IQCM: variants seen among roughly 807,000 people sequenced by gnomAD.
The protein encoded by IQCM is IQ motif containing M.
IQCM carries 45 observed loss-of-function variants against 57.6 expected under a neutral mutation model. The ratio of observed to expected loss-of-function variants is 0.78; its 90% CI spans 0.62 to 1.00. The LOEUF (loss-of-function observed/expected upper bound fraction) is 1.00. IQCM is among the 50% of genes least tolerant of loss of function. The probability of loss-of-function intolerance (pLI) is 0.00; values close to 1 mark genes in which losing one functional copy is unlikely to be tolerated. For synonymous variants in IQCM, 148 were observed against 158.9 expected (o/e 0.93, Z 0.51); for missense variants, 468 against 511.6 (o/e 0.91, Z 0.82).
intron 12 of IQCM, among the ~76,000 whole-genome samples, chr4:149,470,017 A>T (rs1036558385): frequency 3.9e-5 from 6 of 152,210 alleles, no homozygotes; most frequent in Admixed American, 2.6e-4. Context: ...CACTGCAAAA[A>T]CATGCCACAT....
intron 12 of IQCM, among the ~76,000 whole-genome samples, chr4:149,517,773 A>G (rs1256587912): frequency 6.6e-6 from 1 of 152,158 alleles, no homozygotes; most frequent in East Asian, 1.9e-4. Flanking sequence ...AAAAGGCTAG[A>G]CTGGCTTAGC....
At chr4:149,538,419 G>C (rs1747517489) in intron 12 of IQCM, among the ~76,000 whole-genome samples, 1 of 151,252 alleles carries the variant, frequency 6.6e-6, no homozygotes, top group South Asian at 2.1e-4. Flanking sequence ...GATTATAATG[G>C]TACACTAAAA....
chr4:149,481,790 A>C (rs1166935821), intron 12 of IQCM, among the ~76,000 whole-genome samples: 8 of 139,448 alleles, frequency 5.7e-5, no homozygotes, highest in Non-Finnish European at 1.2e-4. Context: ...TTAGGATCCA[A>C]AAAAAATTTA....
chr4:149,545,768 A>G (rs910404307), intron 12 of IQCM, among the ~76,000 whole-genome samples: 1 of 152,172 alleles, frequency 6.6e-6, no homozygotes, highest in South Asian at 2.1e-4. Flanking sequence ...AGCCAAGATA[A>G]GAAAGCAACC....
intron 7 of IQCM, among the ~76,000 whole-genome samples, chr4:149,678,813 G>A (rs1166489624): frequency 6.6e-6 from 1 of 151,392 alleles, no homozygotes; most frequent in Non-Finnish European, 1.5e-5. Context: ...GGAGACATGT[G>A]AATCAAAACT....
chr4:149,353,241 C>T (rs528530234), intron 13 of IQCM, among the ~76,000 whole-genome samples: 2 of 152,256 alleles, frequency 1.3e-5, no homozygotes, highest in Admixed American at 6.5e-5. Flanking sequence ...GAGATATCAC[C>T]TCGGACCCCT....
chr4:149,373,795 G>A (rs1451286064), intron 13 of IQCM, among the ~76,000 whole-genome samples: 1 of 151,836 alleles, frequency 6.6e-6, no homozygotes, highest in African/African-American at 2.4e-5. Flanking sequence ...TTTAGATCTA[G>A]AACACTGAGA....
intron 13 of IQCM, among the ~76,000 whole-genome samples, chr4:149,380,089 G>C (rs933141853): frequency 6.6e-6 from 1 of 152,110 alleles, no homozygotes; most frequent in Non-Finnish European, 1.5e-5. Context: ...GGCCTCTCCA[G>C]CCACATGGAA....
chr4:149,360,773 T>C (rs976789028), intron 13 of IQCM, among the ~76,000 whole-genome samples: 22 of 152,172 alleles, frequency 1.4e-4, no homozygotes, highest in Admixed American at 1.4e-3. Flanking sequence ...TTCCTAGTCT[T>C]GGATATGTCT....
rs6838847 is a variant in IQCM at position 149,388,367 on chromosome 4, G to T, written c.1391-36301C>A. ...ATATATGAATACATTCATTAATACT[G>T]ACTTTCTTATTTTGCCATCATAGTG... On this transcript the variant is annotated intron_variant, in intron 13 of 13. Transcript: ENST00000636793. Among the ~76,000 whole-genome samples the T allele has an allele frequency of 9.0e-3, 1,353 of 150,832 alleles. 26 individuals are homozygous for T. The highest frequency in any genetic ancestry group is 0.032 in the African/African-American group (1,300 of 41,166).
chr4:149,396,142 C>G (rs1003933499), intron 13 of IQCM, among the ~76,000 whole-genome samples: 1 of 151,468 alleles, frequency 6.6e-6, no homozygotes, highest in Non-Finnish European at 1.5e-5. Context: ...TATAGAAAAT[C>G]GAAAAATACT....
intron 13 of IQCM, among the ~76,000 whole-genome samples, chr4:149,422,472 C>G (rs1734185256): frequency 6.6e-6 from 1 of 151,820 alleles, no homozygotes; most frequent in Non-Finnish European, 1.5e-5. Flanking sequence ...AGGGCAAAAC[C>G]AACAACCTAT....
intron 2 of IQCM, among the ~76,000 whole-genome samples, chr4:149,810,818 G>T (rs953794338): frequency 1.5e-4 from 23 of 152,092 alleles, no homozygotes; most frequent in Non-Finnish European, 2.9e-4. Flanking sequence ...TTTGGATTGG[G>T]TGATAAATCA....
chr4:149,793,324 G>A (rs1159852703), intron 2 of IQCM, among the ~76,000 whole-genome samples: 1 of 152,100 alleles, frequency 6.6e-6, no homozygotes, highest in African/African-American at 2.4e-5. Context: ...AGAGGCAGAA[G>A]ATGAGATATT....
At position 149,353,031 on chromosome 4, in the gene IQCM, G is replaced by C. The variant is rs541955991; in HGVS notation, c.1391-965C>G. ...TGACTTGAGGTGTTATAAGAAACAA[G>C]GCATTGTTTCTGGGTTAATGTATCT... On this transcript the variant is annotated intron_variant, in intron 13 of 13. Transcript: ENST00000636793. Among the ~76,000 whole-genome samples the C allele has an allele frequency of 8.5e-5, 13 of 152,232 alleles. No individual in the cohort carries two copies. In the East Asian group the frequency reaches 2.5e-3, roughly 29 times the overall value.
At chr4:149,438,972 T>C (rs1447310162) in intron 12 of IQCM, among the ~76,000 whole-genome samples, 3 of 151,982 alleles carry the variant, frequency 2.0e-5, no homozygotes, top group African/African-American at 7.2e-5. Flanking sequence ...GAGTAAATAA[T>C]AATATAAAAT....
At chr4:149,539,910 T>C (rs573116534) in intron 12 of IQCM, among the ~76,000 whole-genome samples, 1 of 152,208 alleles carries the variant, frequency 6.6e-6, no homozygotes, top group Non-Finnish European at 1.5e-5. Flanking sequence ...GCATCCTGAT[T>C]AAATTGACTA....
intron 12 of IQCM, among the ~76,000 whole-genome samples, chr4:149,466,385 G>T (rs1738861676): frequency 6.6e-6 from 1 of 152,204 alleles, no homozygotes; most frequent in South Asian, 2.1e-4. Context: ...GATAAGGGGA[G>T]ATTCCTGTTC....
At chr4:149,684,432 G>T (rs1219532829) in intron 6 of IQCM, among the ~76,000 whole-genome samples, 1 of 151,110 alleles carries the variant, frequency 6.6e-6, no homozygotes, top group Non-Finnish European at 1.5e-5. Context: ...ATTTTTCAAG[G>T]CATCTTCAGG....
Sources: allele counts gnomAD v4.1 joint callset (sites outside exome capture counted in the v4.1 genomes callset), GRCh38; gene constraint gnomAD v4.1.1; transcripts MANE v1.5; gene names NCBI Gene and HGNC (gene_info 2026-07-23, HGNC 2026-07-21).